COMMD10: variants seen among roughly 807,000 people sequenced by gnomAD.
COMMD10 encodes COMM domain containing 10, also known as COMM domain-containing protein 10.
COMMD10 carries 33 observed loss-of-function variants against 28.9 expected under a neutral mutation model. The observed-to-expected ratio is 1.14, with a 90% CI of 0.87 to 1.53. The LOEUF is 1.53. COMMD10 is among the 40% of genes most tolerant of loss of function. The pLI, the probability that COMMD10 is intolerant of heterozygous loss-of-function variation, is 0.00. For synonymous variants in COMMD10, 110 were observed against 81.7 expected, an observed-to-expected ratio of 1.35 and a Z score of -1.87; for missense variants, 310 against 233.4, an observed-to-expected ratio of 1.33 and a Z score of -2.14.
chr5:116,186,137 C>G (rs1414581957), intron 5 of COMMD10, among the ~76,000 whole-genome samples: 1 of 152,064 alleles, frequency 6.6e-6, no homozygotes, highest in South Asian at 2.1e-4. Context: ...CAAATAAATC[C>G]AAGCATCGAA....
intron 5 of COMMD10, among the ~76,000 whole-genome samples, chr5:116,155,423 G>C (rs903694915): frequency 9.9e-5 from 15 of 151,962 alleles, no homozygotes; most frequent in Admixed American, 9.8e-4. Flanking sequence ...TCTCCTGTCT[G>C]TTTCCATTTT....
At chr5:116,192,501 C>G (rs62384215) in intron 5 of COMMD10, among the ~76,000 whole-genome samples, 11,105 of 152,064 alleles carry the variant, frequency 0.073, 473 homozygotes, top group Admixed American at 0.13. Context: ...AAACTTTGGA[C>G]AAACTTATAG....
At chr5:116,273,436 C>G (rs541407673) in intron 5 of COMMD10, among the ~76,000 whole-genome samples, 24 of 151,882 alleles carry the variant, frequency 1.6e-4, no homozygotes, top group African/African-American at 5.3e-4. Context: ...TCTTCGAAAG[C>G]TTTGTATATG....
chr5:116,256,658 T>C (rs994731304), intron 5 of COMMD10, among the ~76,000 whole-genome samples: 4 of 151,870 alleles, frequency 2.6e-5, no homozygotes, highest in African/African-American at 4.9e-5. Context: ...TGTAATGTTT[T>C]CATACACGTA....
chr5:116,244,660 C>CAAAAAA (rs60360733), intron 5 of COMMD10, among the ~76,000 whole-genome samples: 38 of 79,468 alleles, frequency 4.8e-4, no homozygotes, highest in East Asian at 7.6e-4. Flanking sequence ...AAAAAAATTA[C>CAAAAAA]AAAAAAAAAA....
chr5:116,177,555 A>T (rs576476793), intron 5 of COMMD10, among the ~76,000 whole-genome samples: 1 of 146,772 alleles, frequency 6.8e-6, no homozygotes, highest in African/African-American at 2.5e-5. Context: ...GAATAATGTG[A>T]CTTTGTAGGA....
At chr5:116,140,910 T>C (rs1184033551) in intron 5 of COMMD10, among the ~76,000 whole-genome samples, 1 of 151,880 alleles carries the variant, frequency 6.6e-6, no homozygotes, top group Non-Finnish European at 1.5e-5. Context: ...GGTTTCCTTT[T>C]CTGTACAGGA....
chr5:116,103,087 G>A (rs1191378810), intron 4 of COMMD10, among the ~76,000 whole-genome samples: 2 of 152,070 alleles, frequency 1.3e-5, no homozygotes, highest in Non-Finnish European at 2.9e-5. Context: ...CATTTGGGTT[G>A]GTTCCAAGTC....
At chr5:116,242,483 TATC>T (rs1297056546) in intron 5 of COMMD10, among the ~76,000 whole-genome samples, 3 of 152,042 alleles carry the variant, frequency 2.0e-5, no homozygotes, top group Non-Finnish European at 2.9e-5. Context: ...ACATTATTAT[TATC>T]ATCATCTTAC....
intron 5 of COMMD10, among the ~76,000 whole-genome samples, chr5:116,139,709 T>A (rs919162045): frequency 9.2e-5 from 14 of 151,710 alleles, no homozygotes; most frequent in Admixed American, 4.0e-4. Context: ...TGATAGGACA[T>A]AATTCAAATA....
At chr5:116,216,658 C>G (rs1054302172) in intron 5 of COMMD10, among the ~76,000 whole-genome samples, 1 of 152,074 alleles carries the variant, frequency 6.6e-6, no homozygotes. Flanking sequence ...CTCAGCCTCC[C>G]GAGTAGCTGG....
intron 4 of COMMD10, among the ~76,000 whole-genome samples, chr5:116,105,994 T>G (rs1294985068): frequency 6.6e-6 from 1 of 152,156 alleles, no homozygotes; most frequent in Admixed American, 6.5e-5. Flanking sequence ...TTTCTTGTCT[T>G]CTGGTAGCTT....
chr5:116,251,834 G>A (rs540940470), intron 5 of COMMD10, among the ~76,000 whole-genome samples: 2 of 152,104 alleles, frequency 1.3e-5, no homozygotes, highest in African/African-American at 2.4e-5. Flanking sequence ...GGATCACATG[G>A]TATTTCTAGT....
chr5:116,209,104 G>A (rs897500850), intron 5 of COMMD10, among the ~76,000 whole-genome samples: 7 of 151,724 alleles, frequency 4.6e-5, no homozygotes, highest in Non-Finnish European at 1.0e-4. Flanking sequence ...CTTTTAAAGC[G>A]ATACGTTTAG....
At chr5:116,224,683 C>T (rs1580562616) in intron 5 of COMMD10, among the ~76,000 whole-genome samples, 1 of 152,188 alleles carries the variant, frequency 6.6e-6, no homozygotes, top group Non-Finnish European at 1.5e-5. Context: ...GCCCCAAACA[C>T]CTCCCTCTAG....
At chr5:116,279,463 G>A (rs960708239) in intron 5 of COMMD10, among the ~76,000 whole-genome samples, 4 of 151,688 alleles carry the variant, frequency 2.6e-5, no homozygotes, top group Non-Finnish European at 5.9e-5. Context: ...AGGAGTTTCC[G>A]TTTGCCCAGT....
chr5:116,143,514 C>T (rs905527216), intron 5 of COMMD10, among the ~76,000 whole-genome samples: 1 of 151,678 alleles, frequency 6.6e-6, no homozygotes, highest in African/African-American at 2.4e-5. Flanking sequence ...CAAATACTGT[C>T]TTCACTTGTC....
intron 4 of COMMD10, among the ~76,000 whole-genome samples, chr5:116,108,569 C>T (rs895896653): frequency 6.6e-6 from 1 of 152,226 alleles, no homozygotes; most frequent in Non-Finnish European, 1.5e-5. Context: ...TAGGTCAACT[C>T]AGACTGCTGT....
intron 4 of COMMD10, among the ~76,000 whole-genome samples, chr5:116,093,283 G>T (rs866623453): frequency 6.6e-5 from 10 of 152,308 alleles, no homozygotes; most frequent in Middle Eastern, 6.8e-3. Flanking sequence ...AACCAAAATA[G>T]TGAGTAGGTA....
Sources: gnomAD v4.1 joint callset for allele counts (sites outside exome capture counted in the v4.1 genomes callset) on GRCh38, gnomAD v4.1.1 for gene constraint, MANE v1.5 for transcripts, NCBI Gene and HGNC (gene_info 2026-07-23, HGNC 2026-07-21) for gene names.